PDLIM7: variants seen among roughly 807,000 people sequenced by gnomAD.
PDLIM7 encodes the protein PDZ and LIM domain 7.
A neutral mutation model predicts 53.9 loss-of-function variants in PDLIM7; 37 were observed. That is an observed-to-expected ratio of 0.69 (90% CI 0.53 to 0.90). PDLIM7 has a LOEUF of 0.90. PDLIM7 is among the 40% of genes least tolerant of loss of function. The pLI is 0.00. For synonymous variants in PDLIM7, 300 were observed against 261.3 expected (o/e 1.15, Z -1.43); for missense variants, 617 against 638.5 (o/e 0.97, Z 0.36).
At chr5:177,490,724 A>C in intron 7 of PDLIM7, 146 bp downstream of exon 7, 1 of 465,590 alleles carries the variant, frequency 2.1e-6, no homozygotes. Context: ...GAAGGAAGGA[A>C]GGAAGGAAGG....
intron 7 of PDLIM7, 155 bp downstream of exon 7, chr5:177,490,706 GAGGAAGGGA>G (rs1561703034): frequency 2.2e-6 from 2 of 902,952 alleles, no homozygotes; most frequent in Non-Finnish European, 3.4e-6. Flanking sequence ...AGGAAGGAAG[GAGGAAGGGA>G]AGGAAGGAAG....
At chr5:177,485,319 C>A (rs1758384661) in intron 10 of PDLIM7, among the ~76,000 whole-genome samples, 1 of 152,214 alleles carries the variant, frequency 6.6e-6, no homozygotes, top group Non-Finnish European at 1.5e-5. Flanking sequence ...CTGAGCTCTC[C>A]CTGGGCTGGG....
chr5:177,496,351 T>A, intron 2 of PDLIM7, 66 bp downstream of exon 2: 1 of 1,228,662 alleles, frequency 8.1e-7, no homozygotes, highest in Non-Finnish European at 1.1e-6. Context: ...ACTCCCCCCA[T>A]CACCCTCTGG....
At chr5:177,496,146 G>A (rs1759059302) in intron 2 of PDLIM7, among the ~76,000 whole-genome samples, 1 of 152,174 alleles carries the variant, frequency 6.6e-6, no homozygotes, top group African/African-American at 2.4e-5. Context: ...CCTGCACAAT[G>A]AGCCTCCCTC....
chr5:177,488,390 G>A (rs1262121172), intron 9 of PDLIM7, 142 bp from the exon 10 acceptor site: 2 of 656,248 alleles, frequency 3.0e-6, no homozygotes, highest in East Asian at 2.9e-5. Context: ...ATAGAAGACA[G>A]GCTTGGGAAG....
At position 177,484,631 on chromosome 5, in the gene PDLIM7, A is replaced by G. The variant is rs148607261; in HGVS notation, c.1051-441T>C. 7.8e-3 allele frequency among the ~76,000 whole-genome samples: 1,189 copies of G among 152,338 alleles called. 9 individuals are homozygous for G. Among genetic ancestry groups the G allele is most frequent in the Non-Finnish European group, 0.011 (750 of 68,016 alleles). ...ATGGCCATCTGGCCCGTGGGACCAC[A>G]TAACAACTGGCCTACAAGCTCCTCT... On this transcript the variant is annotated intron_variant, in intron 10 of 12. Transcript: ENST00000355841.
At chr5:177,493,090 G>C (rs1265754602) in intron 2 of PDLIM7, 1 of 204,592 alleles carries the variant, frequency 4.9e-6, no homozygotes, top group East Asian at 1.3e-4. Context: ...CTCCTGCCCA[G>C]GCCACTCCAC....
At chr5:177,485,113 A>C (rs1758371151) in intron 10 of PDLIM7, 2 of 152,302 alleles carry the variant, frequency 1.3e-5, no homozygotes, top group African/African-American at 4.8e-5. Flanking sequence ...ATCTAACATT[A>C]CTTCCAGGCA....
rs1462810706 is a variant in PDLIM7, at chr5:177,484,191, C to T, written c.1051-1G>A. 1 of 1,613,008 alleles carries T rather than the reference C, an allele frequency of 6.2e-7. No individual in the cohort carries two copies. The highest frequency in any genetic ancestry group is 2.2e-5 in the East Asian group (1 of 44,894). On this transcript the variant is annotated splice_acceptor_variant, in intron 10 of 12. Coordinates refer to ENST00000355841, the MANE Select transcript of PDLIM7 (RefSeq NM_005451.5). LOFTEE classifies it high-confidence loss of function. The stretch of plus-strand genomic sequence containing the variant: ...TCATCTTCAGGGCGTGCATGATCTC[C>T]TGGAAGGAGGTCCCAGTCACTCGGC...
At chr5:177,484,641 G>A (rs2127409505) in intron 10 of PDLIM7, among the ~76,000 whole-genome samples, 1 of 152,346 alleles carries the variant, frequency 6.6e-6, no homozygotes, top group East Asian at 1.9e-4. Flanking sequence ...ATAACAACTG[G>A]CCTACAAGCT....
chr5:177,492,168 G>A (rs1190138395), intron 4 of PDLIM7: 23 of 618,230 alleles, frequency 3.7e-5, no homozygotes, highest in Admixed American at 2.7e-4. Context: ...ACGCAGCGCC[G>A]GCGGCGGGAG....
At chr5:177,496,376 A>C in intron 2 of PDLIM7, 41 bp downstream of exon 2, 1 of 1,467,452 alleles carries the variant, frequency 6.8e-7, no homozygotes, top group Non-Finnish European at 9.1e-7. Flanking sequence ...CTAAGCACCG[A>C]AAGACCGCTG....
rs1415478217 is a variant in PDLIM7, at chr5:177,483,727, A to AT, written c.1290dup (p.Cys431MetfsTer42). ...GTCTTTCCTTCCAGGTTGATCTGAC[A>AT]TATCTAAGGACAGCAAAGGCCCAGT... On this transcript the variant is annotated frameshift_variant, in exon 13 of 13. Transcript: ENST00000355841. LOFTEE classifies it high-confidence loss of function. The AT allele has an allele frequency of 6.2e-7, 1 of 1,612,226 alleles. No individual in the cohort carries two copies. The highest frequency in any genetic ancestry group is 8.5e-7 in the Non-Finnish European group (1 of 1,178,424).
rs756069336 is a variant in PDLIM7 at position 177,483,650 on chromosome 5, A to G, written c.1368T>C (p.His456=). 64 of 1,607,968 alleles carry G rather than the reference A, an allele frequency of 4.0e-5. No individual in the cohort carries two copies. Among genetic ancestry groups the G allele is most frequent in the Non-Finnish European group, 5.0e-5 (59 of 1,175,000 alleles). ...AGCTGTGGGCAGAAGGGGCTCACAC[A>G]TGAGAGAAGGCATGGCTCTTGCAGA... ...RPLCKSHAFS[H]V is the part of the protein sequence containing the mutation. Residue 456 remains histidine, a synonymous_variant, in exon 13 of 13, where the codon CAT becomes CAC. Transcript: ENST00000355841.
At chr5:177,489,330 C>G (rs1346506201) in intron 9 of PDLIM7, 63 bp downstream of exon 9, 1 of 1,261,860 alleles carries the variant, frequency 7.9e-7, no homozygotes, top group Non-Finnish European at 1.1e-6. Context: ...GACAGGTGGG[C>G]AGACAGGTGG....
chr5:177,487,827 GCTT>G (rs1280837307), intron 10 of PDLIM7: 1 of 378,404 alleles, frequency 2.6e-6, no homozygotes, highest in Non-Finnish European at 4.7e-6. Flanking sequence ...AGGGCCCAGG[GCTT>G]CTCCTGGCTT....
intron 2 of PDLIM7, among the ~76,000 whole-genome samples, chr5:177,494,408 C>T (rs1758961670): frequency 6.6e-6 from 1 of 152,176 alleles, no homozygotes; most frequent in Non-Finnish European, 1.5e-5. Context: ...GAAGTGACAC[C>T]CCAGAGGGGA....
Position 177,491,085 on chromosome 5 carries a change from CCT to C in PDLIM7, c.458_459del (p.Glu153GlyfsTer31), listed in dbSNP as rs1393128052. 3 of 1,612,230 alleles carry C rather than the reference CCT, an allele frequency of 1.9e-6. No homozygotes were observed. Among genetic ancestry groups the C allele is most frequent in the Non-Finnish European group, 2.5e-6 (3 of 1,179,502 alleles). ...CCTGTCCCCGGCCGCGGCCGCCAGT[CCT>C]CTGTGTTCTCCATCAGCCGCTGCTT... ...ASKQRLMENTEDWRPRPGTGQ... is the reference protein window; with the variant it reads ...ASKQRLMENTXDWRPRPGTGQ... On this transcript the variant is annotated frameshift_variant, in exon 6 of 13. Coordinates refer to ENST00000355841, the MANE Select transcript of PDLIM7 (RefSeq NM_005451.5). LOFTEE classifies it high-confidence loss of function.
At chr5:177,496,122 T>C (rs1232565103) in intron 2 of PDLIM7, among the ~76,000 whole-genome samples, 3 of 152,112 alleles carry the variant, frequency 2.0e-5, no homozygotes, top group African/African-American at 4.8e-5. Context: ...CCTCCTGAAA[T>C]GTTAGGCTCC....
Sources: allele counts gnomAD v4.1 joint callset (sites outside exome capture counted in the v4.1 genomes callset), GRCh38; gene constraint gnomAD v4.1.1; transcripts MANE v1.5; gene names NCBI Gene and HGNC (gene_info 2026-07-23, HGNC 2026-07-21).